Variants in CFAP47 observed in about 807,000 individuals in gnomAD.
CFAP47 encodes cilia and flagella associated protein 47.
CFAP47 carries 29 observed loss-of-function variants against 148.1 expected under a neutral mutation model. The observed-to-expected ratio is 0.20, with a 90% CI of 0.15 to 0.27. The LOEUF (loss-of-function observed/expected upper bound fraction) is 0.27. Among genes scored for constraint, CFAP47 ranks in the 10% least tolerant of loss-of-function variants. The pLI is 1.00. For missense variants in CFAP47, 1,872 were observed against 1,697.5 expected (o/e 1.10, Z -1.81); for synonymous variants, 664 against 577.3 (o/e 1.15, Z -2.15).
At chrX:36,056,396 G>A (rs1248857107) in intron 26 of CFAP47, among the ~76,000 whole-genome samples, 1 of 111,804 alleles carries the variant, frequency 8.9e-6, no homozygotes, top group Non-Finnish European at 1.9e-5. Flanking sequence ...AAGAAGCTGT[G>A]CTTTACAAAG....
At chrX:36,113,736 G>A (rs1324728569) in intron 33 of CFAP47, among the ~76,000 whole-genome samples, 1 of 110,964 alleles carries the variant, frequency 9.0e-6, no homozygotes, top group Non-Finnish European at 1.9e-5. Flanking sequence ...GTGAATCATA[G>A]ATTTGGTCTT....
chrX:36,295,257 A>G (rs1941231354), intron 51 of CFAP47, among the ~76,000 whole-genome samples: 1 of 112,452 alleles, frequency 8.9e-6, no homozygotes, highest in Non-Finnish European at 1.9e-5. Flanking sequence ...ATTTATGTTT[A>G]ATTCTGAACA....
chrX:36,296,997 A>T (rs1941248919), intron 51 of CFAP47, among the ~76,000 whole-genome samples: 1 of 111,708 alleles, frequency 9.0e-6, no homozygotes, highest in Non-Finnish European at 1.9e-5. Flanking sequence ...TTGCTGTAGA[A>T]GTTTAAATGC....
At chrX:36,116,942 T>C (rs1938651096) in intron 33 of CFAP47, among the ~76,000 whole-genome samples, 1 of 111,603 alleles carries the variant, frequency 9.0e-6, no homozygotes, top group Non-Finnish European at 1.9e-5. Flanking sequence ...CCTTATACTC[T>C]ATAGTCCCAT....
At chrX:36,064,625 A>G (rs1376078856) in intron 26 of CFAP47, among the ~76,000 whole-genome samples, 5 of 111,748 alleles carry the variant, frequency 4.5e-5, no homozygotes, top group African/African-American at 9.7e-5. Flanking sequence ...GCATTAAAAC[A>G]TGGGATTTTG....
At chrX:36,330,440 G>A (rs959966401) in intron 57 of CFAP47, among the ~76,000 whole-genome samples, 12 of 111,980 alleles carry the variant, frequency 1.1e-4, no homozygotes, top group African/African-American at 3.9e-4. Context: ...AAGAGGGCAA[G>A]TGGAAATCCG....
chrX:36,000,456 T>C (rs1936900864), intron 20 of CFAP47, 29 bp downstream of exon 20: 1 of 285,826 alleles, frequency 3.5e-6, no homozygotes, highest in Admixed American at 6.3e-5. Context: ...ATGGTATTAC[T>C]GTAAAAGGAA....
At chrX:35,928,690 C>A (rs1323077805) in intron 2 of CFAP47, among the ~76,000 whole-genome samples, 1 of 110,337 alleles carries the variant, frequency 9.1e-6, no homozygotes, top group Non-Finnish European at 1.9e-5. Flanking sequence ...ATCAATTTTC[C>A]TTTAATTAGT....
chrX:35,948,686 G>C (rs57181109), intron 4 of CFAP47, among the ~76,000 whole-genome samples: 7,486 of 111,298 alleles, frequency 0.067, 662 homozygotes, highest in African/African-American at 0.23. Context: ...TGAGGTGAGA[G>C]AGTGGACCAG....
At chrX:36,357,631 TC>T (rs1342917893) in intron 60 of CFAP47, among the ~76,000 whole-genome samples, 1 of 112,050 alleles carries the variant, frequency 8.9e-6, no homozygotes, top group Non-Finnish European at 1.9e-5. Context: ...ATTGGTATTG[TC>T]CTATTGAAAT....
chrX:36,128,408 A>G (rs1192372671), intron 33 of CFAP47, among the ~76,000 whole-genome samples: 2 of 111,277 alleles, frequency 1.8e-5, no homozygotes, highest in Admixed American at 9.6e-5. Context: ...ACTTTTTTAT[A>G]TTCTCAAAAT....
chrX:36,025,235 AC>A (rs1440677358), intron 22 of CFAP47, among the ~76,000 whole-genome samples: 1 of 111,497 alleles, frequency 9.0e-6, no homozygotes, highest in Non-Finnish European at 1.9e-5. Flanking sequence ...TAAAGTGCAT[AC>A]ATGTTAAAGG....
intron 55 of CFAP47, among the ~76,000 whole-genome samples, chrX:36,308,703 C>G (rs1941370265): frequency 9.0e-6 from 1 of 111,168 alleles, no homozygotes; most frequent in South Asian, 3.7e-4. Context: ...TTAAATCTAT[C>G]TAAACTGACA....
At position 36,085,350 on chromosome X, in the gene CFAP47, G is replaced by A. The variant is rs528323979; in HGVS notation, c.4728G>A (p.Ser1576=). ...VYKMQFYSST[S]PPQKFSRQND... is the part of the protein sequence containing the mutation. ...AAATGCAATTCTACTCATCAACCTC[G>A]CCACCCCAAAAGTTTTCCAGACAGA... Residue 1576 remains serine, a synonymous_variant, in exon 30 of 64, where the codon TCG becomes TCA. Transcript: ENST00000378653. The A allele has an allele frequency of 2.6e-5, 31 of 1,200,639 alleles. No individual in the cohort carries two copies. Among genetic ancestry groups the A allele is most frequent in the South Asian group, 2.1e-4 (12 of 56,268 alleles).
At chrX:35,980,708 T>G (rs1368271838) in intron 15 of CFAP47, among the ~76,000 whole-genome samples, 3 of 111,140 alleles carry the variant, frequency 2.7e-5, no homozygotes, top group Non-Finnish European at 5.7e-5. Context: ...TAAATCCATA[T>G]CTGATGTTGG....
At chrX:36,090,146 A>G (rs1938159532) in intron 30 of CFAP47, among the ~76,000 whole-genome samples, 3 of 112,276 alleles carry the variant, frequency 2.7e-5, no homozygotes, top group Admixed American at 9.5e-5. Flanking sequence ...TGGAAACTTT[A>G]TTTAAATTTT....
At chrX:35,938,317 A>G (rs1226543618) in intron 2 of CFAP47, among the ~76,000 whole-genome samples, 1 of 110,983 alleles carries the variant, frequency 9.0e-6, no homozygotes, top group East Asian at 2.8e-4. Context: ...TAATTTGTCT[A>G]TAGTTTATGT....
At chrX:36,294,211 C>G (rs1941219540) in intron 51 of CFAP47, among the ~76,000 whole-genome samples, 1 of 110,782 alleles carries the variant, frequency 9.0e-6, no homozygotes, top group East Asian at 2.9e-4. Context: ...ATCCTGCAAC[C>G]TGAAAGAGCC....
At chrX:36,090,967 T>G (rs1938174645) in intron 30 of CFAP47, among the ~76,000 whole-genome samples, 1 of 111,296 alleles carries the variant, frequency 9.0e-6, no homozygotes, top group Admixed American at 9.6e-5. Context: ...AATATTCAAA[T>G]AAAAAAACTA....
Sources: allele counts gnomAD v4.1 joint callset (sites outside exome capture counted in the v4.1 genomes callset), GRCh38; gene constraint gnomAD v4.1.1; transcripts MANE v1.5; gene names NCBI Gene and HGNC (gene_info 2026-07-23, HGNC 2026-07-21).